The following GNG2 variants were observed in gnomAD, a reference collection of about 807,000 sequenced individuals.
GNG2 encodes the protein guanine nucleotide-binding protein G(I)/G(S)/G(O) subunit gamma-2.
GNG2 carries 5 observed loss-of-function variants against 5.5 expected under a neutral mutation model. That is an observed-to-expected ratio of 0.91 (90% CI 0.48 to 1.92). The LOEUF (loss-of-function observed/expected upper bound fraction) is 1.92, where lower values mean the gene tolerates loss of function less well. Ranked by LOEUF, GNG2 falls within the 30% of genes most tolerant of loss-of-function variation. The probability of loss-of-function intolerance (pLI) is 0.01; values close to 1 mark genes in which losing one functional copy is unlikely to be tolerated. For synonymous variants in GNG2, 28 were observed against 32.0 expected, an observed-to-expected ratio of 0.88 and a Z score of 0.42; for missense variants, 55 against 88.4, an observed-to-expected ratio of 0.62 and a Z score of 1.52.
intron 2 of GNG2, among the ~76,000 whole-genome samples, chr14:51,835,520 C>G (rs1413150155): frequency 6.6e-5 from 10 of 152,194 alleles, no homozygotes; most frequent in Admixed American, 1.3e-4. Flanking sequence ...CACACCACCC[C>G]CTACCTTTGA....
chr14:51,873,002 A>G (rs576532592), intron 1 of GNG2, among the ~76,000 whole-genome samples: 2 of 152,238 alleles, frequency 1.3e-5, no homozygotes, highest in Non-Finnish European at 2.9e-5. Context: ...AAATCACATT[A>G]TGAAATACCT....
At chr14:51,944,846 A>G (rs1474257942) in intron 2 of GNG2, among the ~76,000 whole-genome samples, 1 of 152,250 alleles carries the variant, frequency 6.6e-6, no homozygotes, top group South Asian at 2.1e-4. Flanking sequence ...GAGTGAAAAG[A>G]CAGTCCACAG....
At chr14:51,842,781 C>T (rs1881518351) in intron 2 of GNG2, among the ~76,000 whole-genome samples, 2 of 152,002 alleles carry the variant, frequency 1.3e-5, no homozygotes, top group Admixed American at 1.3e-4. Context: ...TCTCGTGCCT[C>T]AGCCTCACCA....
At chr14:51,914,914 A>G (rs1886524602) in intron 2 of GNG2, among the ~76,000 whole-genome samples, 1 of 152,208 alleles carries the variant, frequency 6.6e-6, no homozygotes, top group Non-Finnish European at 1.5e-5. Flanking sequence ...AAGATGATAC[A>G]TGCCCTGCCA....
At chr14:51,846,403 A>G (rs1881629864) in intron 2 of GNG2, among the ~76,000 whole-genome samples, 1 of 152,216 alleles carries the variant, frequency 6.6e-6, no homozygotes, top group South Asian at 2.1e-4. Context: ...GGCTGTTACA[A>G]ATCAATTTTA....
At chr14:51,872,633 G>A (rs10138800) in intron 1 of GNG2, among the ~76,000 whole-genome samples, 45,589 of 152,002 alleles carry the variant, frequency 0.3, 7,665 homozygotes, top group Non-Finnish European at 0.38. Context: ...AGAAGATAAC[G>A]CGCTGAGCCA....
At chr14:51,937,636 T>TA (rs1413228756) in intron 2 of GNG2, among the ~76,000 whole-genome samples, 3 of 118,408 alleles carry the variant, frequency 2.5e-5, no homozygotes, top group African/African-American at 8.5e-5. Context: ...TTTTTTTTTT[T>TA]TTATTATACT....
chr14:51,933,858 G>A (rs1297351885), intron 2 of GNG2, among the ~76,000 whole-genome samples: 1 of 152,164 alleles, frequency 6.6e-6, no homozygotes, highest in Non-Finnish European at 1.5e-5. Flanking sequence ...TGAGGATGAG[G>A]AGAAAGGAGG....
At chr14:51,860,282 G>C (rs1359231340), upstream of GNG2, 2 of 152,526 alleles carry the variant, frequency 1.3e-5, no homozygotes, top group Admixed American at 1.3e-4. Context: ...CAACAAGCCA[G>C]GTTCAGGCTA....
In GNG2 at chr14:51,968,083, T is replaced by C. The variant is rs1890025307; in HGVS notation, c.*1396T>C. 1 of 152,214 alleles carries C rather than the reference T, an allele frequency of 6.6e-6. No individual in the cohort carries two copies. 9.4% of individuals were successfully genotyped at this position (152,214 alleles called of 1,614,324 possible). On this transcript the variant is annotated 3_prime_UTR_variant, in exon 4 of 4. Coordinates refer to ENST00000556766, the MANE Select transcript of GNG2 (RefSeq NM_053064.5). Reference sequence around the variant, plus strand: ...TTTAATGGAATCTTTGTTTTTGTTCTCCATCTTGTTTGTTAGAGTCTCTCG... The same window carrying C: ...TTTAATGGAATCTTTGTTTTTGTTCCCCATCTTGTTTGTTAGAGTCTCTCG...
chr14:51,838,523 C>T (rs968757624), intron 2 of GNG2, among the ~76,000 whole-genome samples: 13 of 152,024 alleles, frequency 8.6e-5, no homozygotes, highest in Admixed American at 2.6e-4. Context: ...TGTCCAAATC[C>T]GACATAACAA....
Position 51,967,295 on chromosome 14 carries a change from G to A in GNG2, c.*608G>A, listed in dbSNP as rs1168387437. ...AATGTTTAGGGAGATGTTCCCCGTG[G>A]TGTATCCTCATGGTAACAACGACAA... On this transcript the variant is annotated 3_prime_UTR_variant, in exon 4 of 4. Transcript: ENST00000556766. 1.3e-5 allele frequency: 2 copies of A among 152,186 alleles called. No individual in the cohort carries two copies. The highest frequency in any genetic ancestry group is 2.4e-5 in the African/African-American group (1 of 41,408). The allele number at this position is 152,186 out of a possible 1,614,324, so 9.4% of individuals were successfully genotyped here.
At chr14:51,956,195 A>G (rs959013755) in intron 3 of GNG2, among the ~76,000 whole-genome samples, 3 of 152,144 alleles carry the variant, frequency 2.0e-5, no homozygotes, top group African/African-American at 7.2e-5. Context: ...CCTTTGCAAT[A>G]AGTTGGAAAT....
chr14:51,946,039 CAT>C (rs1555357324), intron 2 of GNG2, among the ~76,000 whole-genome samples: 3 of 152,180 alleles, frequency 2.0e-5, no homozygotes, highest in Admixed American at 1.3e-4. Context: ...CATGGATGCA[CAT>C]GTGTTGTCTT....
intron 2 of GNG2, among the ~76,000 whole-genome samples, chr14:51,881,376 A>G (rs1190062945): frequency 3.3e-5 from 5 of 152,164 alleles, no homozygotes; most frequent in South Asian, 2.1e-4. Flanking sequence ...TTTGGTTCTA[A>G]GAACATGGCG....
intron 2 of GNG2, among the ~76,000 whole-genome samples, chr14:51,949,537 T>C (rs1888851231): frequency 6.6e-6 from 1 of 152,220 alleles, no homozygotes; most frequent in African/African-American, 2.4e-5. Flanking sequence ...AGTCATTATT[T>C]TTTATATAAT....
chr14:51,892,411 A>C (rs1211953186), intron 2 of GNG2, among the ~76,000 whole-genome samples: 1 of 151,924 alleles, frequency 6.6e-6, no homozygotes, highest in East Asian at 1.9e-4. Flanking sequence ...TCCTGGGTTC[A>C]AGCGGTTCTC....
chr14:51,853,406 T>A (rs1023639069), intron 2 of GNG2, among the ~76,000 whole-genome samples: 1 of 152,082 alleles, frequency 6.6e-6, no homozygotes, highest in Non-Finnish European at 1.5e-5. Context: ...AATTCTGTCA[T>A]AGAAAATTCA....
chr14:51,853,400 C>T (rs539269304), intron 2 of GNG2, among the ~76,000 whole-genome samples: 354 of 152,218 alleles, frequency 2.3e-3, no homozygotes, highest in Non-Finnish European at 3.6e-3. Context: ...TCGTGAAATT[C>T]TGTCATAGAA....
Sources: allele counts gnomAD v4.1 joint callset (sites outside exome capture counted in the v4.1 genomes callset), GRCh38; gene constraint gnomAD v4.1.1; transcripts MANE v1.5; gene names NCBI Gene and HGNC (gene_info 2026-07-23, HGNC 2026-07-21).